LRMDA: variants seen among roughly 807,000 people sequenced by gnomAD.
LRMDA encodes the protein leucine-rich melanocyte differentiation-associated protein.
A neutral mutation model predicts 29.8 loss-of-function variants in LRMDA; 18 were observed. The ratio of observed to expected loss-of-function variants is 0.60; its 90% CI spans 0.42 to 0.90. The LOEUF (loss-of-function observed/expected upper bound fraction) is 0.90. LRMDA is among the 40% of genes least tolerant of loss of function. The pLI is 0.00. For synonymous variants in LRMDA, 125 were observed against 109.4 expected (o/e 1.14, Z -0.89); for missense variants, 273 against 273.9 (o/e 1.00, Z 0.02).
At chr10:76,542,478 A>G (rs1287123131) in intron 6 of LRMDA, among the ~76,000 whole-genome samples, 2 of 152,212 alleles carry the variant, frequency 1.3e-5, no homozygotes, top group East Asian at 3.8e-4. Context: ...CTGGAAAATA[A>G]CAGCACCCGC....
intron 6 of LRMDA, among the ~76,000 whole-genome samples, chr10:76,419,541 T>C (rs1160316232): frequency 6.6e-6 from 1 of 152,066 alleles, no homozygotes; most frequent in East Asian, 1.9e-4. Flanking sequence ...TGTGTGCAGG[T>C]TTTTGTGTGG....
intron 2 of LRMDA, among the ~76,000 whole-genome samples, chr10:75,804,246 T>C (rs1843808666): frequency 6.6e-6 from 1 of 152,228 alleles, no homozygotes; most frequent in South Asian, 2.1e-4. Flanking sequence ...GACATGCCTA[T>C]TGACAGTTTT....
intron 6 of LRMDA, among the ~76,000 whole-genome samples, chr10:76,390,182 T>C (rs1404023606): frequency 1.3e-5 from 2 of 152,364 alleles, no homozygotes; most frequent in African/African-American, 4.8e-5. Context: ...GTTTGCTCGC[T>C]TTTAAAAATA....
chr10:75,919,930 G>A (rs985870158), intron 2 of LRMDA, among the ~76,000 whole-genome samples: 2 of 151,980 alleles, frequency 1.3e-5, no homozygotes, highest in Admixed American at 1.3e-4. Flanking sequence ...GAAACGCATT[G>A]TCCCTGAGTT....
chr10:75,557,017 A>G (rs1229528251), intron 2 of LRMDA, among the ~76,000 whole-genome samples: 1 of 152,124 alleles, frequency 6.6e-6, no homozygotes, highest in African/African-American at 2.4e-5. Flanking sequence ...CAAACAGAAA[A>G]CAAAAGTAAA....
chr10:76,284,340 T>C (rs551307268), intron 5 of LRMDA, among the ~76,000 whole-genome samples: 45 of 152,140 alleles, frequency 3.0e-4, no homozygotes, highest in Admixed American at 1.4e-3. Flanking sequence ...AAGCAGAGAT[T>C]GGAGCAATGT....
chr10:75,875,769 G>C (rs1415147738), intron 2 of LRMDA, among the ~76,000 whole-genome samples: 1 of 152,240 alleles, frequency 6.6e-6, no homozygotes, highest in Non-Finnish European at 1.5e-5. Context: ...GGTCTAATTG[G>C]ATAGTAGTGA....
At chr10:76,436,624 G>A (rs1390100926) in intron 6 of LRMDA, among the ~76,000 whole-genome samples, 4 of 152,248 alleles carry the variant, frequency 2.6e-5, no homozygotes, top group East Asian at 3.9e-4. Flanking sequence ...GGAGAGCATC[G>A]GTGCTCAGGG....
At chr10:76,555,050 C>T (rs1210774900) in intron 6 of LRMDA, among the ~76,000 whole-genome samples, 1 of 152,172 alleles carries the variant, frequency 6.6e-6, no homozygotes, top group Non-Finnish European at 1.5e-5. Flanking sequence ...CATGCTTCCA[C>T]ATTCTTCAGG....
chr10:75,837,615 A>G (rs748753430), intron 2 of LRMDA, among the ~76,000 whole-genome samples: 2 of 152,192 alleles, frequency 1.3e-5, no homozygotes, highest in Non-Finnish European at 2.9e-5. Context: ...GTATAATTGT[A>G]TTGTTTATAA....
intron 2 of LRMDA, among the ~76,000 whole-genome samples, chr10:75,635,266 A>G (rs536797266): frequency 6.6e-6 from 1 of 152,192 alleles, no homozygotes; most frequent in South Asian, 2.1e-4. Context: ...AGTTACTATT[A>G]TTTAAGTTTT....
chr10:76,055,841 C>T (rs948116174), intron 4 of LRMDA, among the ~76,000 whole-genome samples: 1 of 152,234 alleles, frequency 6.6e-6, no homozygotes, highest in Non-Finnish European at 1.5e-5. Flanking sequence ...AACCACAGAG[C>T]CCCAAAGAGG....
chr10:76,147,858 C>G (rs1850359202), intron 5 of LRMDA, among the ~76,000 whole-genome samples: 1 of 152,068 alleles, frequency 6.6e-6, no homozygotes, highest in South Asian at 2.1e-4. Flanking sequence ...TACAGATGCA[C>G]TTTTTGTGTG....
At chr10:75,792,208 A>G (rs1843579810) in intron 2 of LRMDA, among the ~76,000 whole-genome samples, 2 of 149,884 alleles carry the variant, frequency 1.3e-5, no homozygotes, top group African/African-American at 4.9e-5. Flanking sequence ...GCTATTGCCT[A>G]AATGACTATG....
chr10:75,573,887 A>G (rs945930592), intron 2 of LRMDA, among the ~76,000 whole-genome samples: 1 of 152,144 alleles, frequency 6.6e-6, no homozygotes, highest in Non-Finnish European at 1.5e-5. Context: ...CATAGATCTA[A>G]TACCAGTTTT....
chr10:76,171,386 G>A lies in LRMDA; in HGVS notation c.516+112603G>A, dbSNP rs187893000. On this transcript the variant is annotated intron_variant, in intron 5 of 6. Coordinates refer to ENST00000611255, the MANE Select transcript of LRMDA (RefSeq NM_001305581.2). Reference sequence around the variant, plus strand: ...ACTCCTGAACTCAGTTGACACACCCGCCTTGGCCTCCCAAAGTGCTGGGAT... The same window carrying A: ...ACTCCTGAACTCAGTTGACACACCCACCTTGGCCTCCCAAAGTGCTGGGAT... Among the ~76,000 whole-genome samples, 390 of 152,220 alleles carry A rather than the reference G, an allele frequency of 2.6e-3. 1 individual carries two copies. The highest frequency in any genetic ancestry group is 6.2e-3 in the African/African-American group (259 of 41,558).
intron 6 of LRMDA, among the ~76,000 whole-genome samples, chr10:76,454,345 A>C (rs1842435828): frequency 6.6e-6 from 1 of 152,152 alleles, no homozygotes; most frequent in South Asian, 2.1e-4. Flanking sequence ...TCCATAGTGA[A>C]AGTAGCAGTG....
chr10:76,074,685 G>A (rs1321371047), intron 5 of LRMDA, among the ~76,000 whole-genome samples: 1 of 152,180 alleles, frequency 6.6e-6, no homozygotes, highest in Non-Finnish European at 1.5e-5. Context: ...TTCCTATCAT[G>A]TCTGTAGCCC....
chr10:76,457,911 G>A (rs1222893904), intron 6 of LRMDA, among the ~76,000 whole-genome samples: 1 of 152,084 alleles, frequency 6.6e-6, no homozygotes, highest in Non-Finnish European at 1.5e-5. Context: ...CATTTACTAA[G>A]TATCAGCTGT....
Sources: gnomAD v4.1 joint callset for allele counts (sites outside exome capture counted in the v4.1 genomes callset) on GRCh38, gnomAD v4.1.1 for gene constraint, MANE v1.5 for transcripts, NCBI Gene and HGNC (gene_info 2026-07-23, HGNC 2026-07-21) for gene names.